The following EDA2R variants were observed in gnomAD, a reference collection of about 807,000 sequenced individuals.
EDA2R encodes the protein tumor necrosis factor receptor superfamily member 27.
EDA2R carries 26 observed loss-of-function variants against 20.1 expected under a neutral mutation model. The observed-to-expected ratio is 1.30, with a 90% CI of 0.95 to 1.80. The LOEUF (loss-of-function observed/expected upper bound fraction) is 1.80. EDA2R is among the 40% of genes most tolerant of loss of function. EDA2R has a pLI of 0.00. For synonymous variants in EDA2R, 114 were observed against 88.7 expected (o/e 1.29, Z -1.60); for missense variants, 277 against 228.7 (o/e 1.21, Z -1.36).
At chrX:66,635,608 C>A (rs1301161479) in intron 1 of EDA2R, among the ~76,000 whole-genome samples, 1 of 111,990 alleles carries the variant, frequency 8.9e-6, no homozygotes, top group Non-Finnish European at 1.9e-5. Flanking sequence ...TTTTTTGACT[C>A]ATTCTTTAGT....
chrX:66,617,576 G>T (rs1334862764), intron 1 of EDA2R, among the ~76,000 whole-genome samples: 1 of 111,786 alleles, frequency 8.9e-6, no homozygotes, highest in African/African-American at 3.3e-5. Flanking sequence ...AACATTGGCA[G>T]GAACCAAGAA....
intron 1 of EDA2R, among the ~76,000 whole-genome samples, chrX:66,623,568 G>A (rs1272348791): frequency 9.0e-6 from 1 of 111,531 alleles, no homozygotes; most frequent in African/African-American, 3.3e-5. Context: ...TCTTATAATG[G>A]CCAATAGAGA....
At position 66,599,687 on chromosome X, in the gene EDA2R, G is replaced by A. The variant is rs1289838200; in HGVS notation, c.691C>T (p.Gln231Ter). The change falls in exon 6 of 7, where the codon CAG becomes TAG. Residue 231 changes from glutamine to a stop codon, truncating the protein, a stop_gained. Transcript: ENST00000374719. LOFTEE classifies it high-confidence loss of function. The part of the protein sequence containing the change: ...DCSSTSGFPT[Q>*]ESFTMASCTS... ...CAGGAGGCCATGGTAAAGGACTCCT[G>A]TGTGGGGAAGCCACTAGTCGAGCTG... The A allele has an allele frequency of 1.7e-6, 2 of 1,209,147 alleles. No homozygotes were observed. The highest frequency in any genetic ancestry group is 2.2e-6 in the Non-Finnish European group (2 of 894,458).
intron 2 of EDA2R, among the ~76,000 whole-genome samples, chrX:66,605,670 T>C (rs1929548948): frequency 8.9e-6 from 1 of 111,787 alleles, no homozygotes; most frequent in Non-Finnish European, 1.9e-5. Flanking sequence ...GCGTACAAGC[T>C]CTTAAAGTTT....
chrX:66,608,599 C>A (rs1443072753), intron 2 of EDA2R, among the ~76,000 whole-genome samples: 1 of 111,706 alleles, frequency 9.0e-6, no homozygotes, highest in Non-Finnish European at 1.9e-5. Context: ...GAAAAAAGTT[C>A]TTCAAAAATA....
Position 66,626,590 on chromosome X carries a change from A to G in EDA2R, c.-10-10560T>C, listed in dbSNP as rs1019988490. Among the ~76,000 whole-genome samples, 10 of 110,860 alleles carry G rather than the reference A, an allele frequency of 9.0e-5. No individual in the cohort carries two copies. The East Asian group carries it at 2.8e-3, about 32-fold the overall frequency. ...AGAGAAATCTAAAATTTTGGAAAAC[A>G]TATTTGTGGCAATAACAGAAAAACT... On this transcript the variant is annotated intron_variant, in intron 1 of 6. Coordinates refer to ENST00000374719, the MANE Select transcript of EDA2R (RefSeq NM_021783.5).
chrX:66,632,850 A>G (rs1423632217), intron 1 of EDA2R, among the ~76,000 whole-genome samples: 1 of 112,007 alleles, frequency 8.9e-6, no homozygotes, highest in Non-Finnish European at 1.9e-5. Flanking sequence ...TACAGTTTTT[A>G]ATGGGCTACT....
intron 1 of EDA2R, among the ~76,000 whole-genome samples, chrX:66,619,457 A>G (rs1336345998): frequency 8.9e-6 from 1 of 112,018 alleles, no homozygotes; most frequent in Admixed American, 9.5e-5. Context: ...GTTATTATGG[A>G]CTTTATGAAA....
chrX:66,612,468 A>G (rs1930935314), intron 2 of EDA2R, among the ~76,000 whole-genome samples: 1 of 107,846 alleles, frequency 9.3e-6, no homozygotes, highest in South Asian at 3.9e-4. Flanking sequence ...TGTTGATACC[A>G]GCTGACATTG....
At chrX:66,636,068 A>C (rs1041980036) in intron 1 of EDA2R, among the ~76,000 whole-genome samples, 5 of 110,188 alleles carry the variant, frequency 4.5e-5, no homozygotes, top group African/African-American at 1.7e-4. Flanking sequence ...GTGCCCAGCT[A>C]TTTAAAAAAA....
intron 1 of EDA2R, among the ~76,000 whole-genome samples, chrX:66,633,073 A>C (rs1343450800): frequency 8.9e-6 from 1 of 112,426 alleles, no homozygotes; most frequent in African/African-American, 3.2e-5. Flanking sequence ...CCTTACTAAA[A>C]GCTGTTGTCA....
intron 2 of EDA2R, among the ~76,000 whole-genome samples, chrX:66,608,831 G>A (rs1406351645): frequency 9.0e-6 from 1 of 111,438 alleles, no homozygotes; most frequent in African/African-American, 3.3e-5. Flanking sequence ...AGAGAGTAGA[G>A]GCTATCAGGC....
intron 2 of EDA2R, among the ~76,000 whole-genome samples, chrX:66,607,286 T>G (rs1486092179): frequency 8.9e-6 from 1 of 112,319 alleles, no homozygotes; most frequent in Non-Finnish European, 1.9e-5. Context: ...TTTTTAACTT[T>G]TAGCATTCAA....
At chrX:66,602,588 A>T (rs746093383) in intron 5 of EDA2R, 45 bp downstream of exon 5, 1 of 1,141,606 alleles carries the variant, frequency 8.8e-7, no homozygotes, top group African/African-American at 1.8e-5. Context: ...TGCCAATAAG[A>T]GCCTTGTTCC....
At chrX:66,617,561 A>G (rs1359911521) in intron 1 of EDA2R, among the ~76,000 whole-genome samples, 1 of 111,982 alleles carries the variant, frequency 8.9e-6, no homozygotes, top group Non-Finnish European at 1.9e-5. Context: ...CCCACAAAAC[A>G]GAAAAACATT....
intron 2 of EDA2R, among the ~76,000 whole-genome samples, chrX:66,612,909 T>A (rs1031603845): frequency 2.7e-5 from 3 of 111,348 alleles, no homozygotes; most frequent in Non-Finnish European, 5.7e-5. Context: ...TTCAAATCAT[T>A]AAGGTGCAAA....
chrX:66,599,441 T>C (rs1928089002), intron 6 of EDA2R, 33 bp downstream of exon 6: 1 of 1,039,167 alleles, frequency 9.6e-7, no homozygotes, highest in African/African-American at 1.9e-5. Context: ...TTTTGCTTTT[T>C]TTGTTTTTTT....
At chrX:66,619,182 G>T (rs758191082) in intron 1 of EDA2R, among the ~76,000 whole-genome samples, 1 of 111,553 alleles carries the variant, frequency 9.0e-6, no homozygotes, top group Non-Finnish European at 1.9e-5. Flanking sequence ...GTTTAAGATG[G>T]ATGCCACTAT....
intron 1 of EDA2R, among the ~76,000 whole-genome samples, chrX:66,636,669 G>T (rs183016810): frequency 9.1e-6 from 1 of 109,883 alleles, no homozygotes; most frequent in Non-Finnish European, 1.9e-5. Context: ...GTTTTAATGT[G>T]GAATCCATTA....
Sources: allele counts gnomAD v4.1 joint callset (sites outside exome capture counted in the v4.1 genomes callset), GRCh38; gene constraint gnomAD v4.1.1; transcripts MANE v1.5; gene names NCBI Gene and HGNC (gene_info 2026-07-23, HGNC 2026-07-21).